CEP72: variants seen among roughly 807,000 people sequenced by gnomAD.
CEP72 encodes the protein centrosomal protein of 72 kDa.
A neutral mutation model predicts 65.7 loss-of-function variants in CEP72; 78 were observed. The ratio of observed to expected loss-of-function variants is 1.19; its 90% confidence interval spans 0.99 to 1.43. The LOEUF (loss-of-function observed/expected upper bound fraction) is 1.43. Among genes scored for constraint, CEP72 ranks in the 40% most tolerant of loss-of-function variants. CEP72 has a pLI of 0.00. For synonymous variants in CEP72, 358 were observed against 351.7 expected (o/e 1.02, Z -0.20); for missense variants, 914 against 832.9 (o/e 1.10, Z -1.20).
chr5:643,656 A>G, intron 9 of CEP72: 1 of 985,278 alleles, frequency 1.0e-6, no homozygotes. Context: ...GGTGCCTGAG[A>G]GAGCAGCAGC....
chr5:647,807 C>T lies in CEP72; in HGVS notation c.1669C>T (p.Leu557Phe), dbSNP rs761787317. The change falls in exon 11 of 12, where the codon CTT becomes TTT. Residue 557 changes from leucine to phenylalanine, a missense_variant and splice_region_variant. By Grantham distance (22) the Leu-to-Phe change is conservative. Coordinates refer to ENST00000264935, the MANE Select transcript of CEP72 (RefSeq NM_018140.4). ...TTTTTTTTTTCTTTCTCTTTCAGGA[C>T]TTCAAACAAGTGTGAAGAGGCTGTG... ...AATLNLQIAG[L>F]QTSVKRLCGE... 1.2e-6 allele frequency: 2 copies of T among 1,603,864 alleles called. No homozygotes were observed. Among genetic ancestry groups the T allele is most frequent in the South Asian group, 1.1e-5 (1 of 89,078 alleles).
intron 2 of CEP72, chr5:665,065 GGGGACACC>G: frequency 6.3e-7 from 1 of 1,590,080 alleles, no homozygotes; most frequent in Non-Finnish European, 8.5e-7. Context: ...TCCCTGCTCT[GGGGACACC>G]GGCAGTGCCG....
intron 4 of CEP72, among the ~76,000 whole-genome samples, chr5:628,495 G>C (rs1363731773): frequency 1.3e-5 from 2 of 150,244 alleles, no homozygotes; most frequent in East Asian, 2.0e-4. Context: ...CGTCCCTGGG[G>C]AGTGTTCCCA....
chr5:664,824 T>TGGTGTGATCC, intron 2 of CEP72: 1 of 448,582 alleles, frequency 2.2e-6, no homozygotes, highest in Middle Eastern at 6.0e-4. Context: ...GTGCCCAGTG[T>TGGTGTGATCC]GGTGTGATCC....
chr5:669,044 A>G (rs1002256741), downstream of CEP72, among the ~76,000 whole-genome samples: 1 of 152,218 alleles, frequency 6.6e-6, no homozygotes, highest in African/African-American at 2.4e-5. Flanking sequence ...TGAGCCAAAG[A>G]AGAAATCGCG....
At chr5:675,241 TGCAGG>T in the CEP72 span, among the ~76,000 whole-genome samples, 9 of 28,434 alleles carry the variant, frequency 3.2e-4, no homozygotes, top group African/African-American at 1.4e-3. Flanking sequence ...GGGGGTGCAG[TGCAGG>T]GGGTACAGTG....
the CEP72 span, among the ~76,000 whole-genome samples, chr5:674,823 A>C: frequency 1.3e-5 from 2 of 151,688 alleles, no homozygotes; most frequent in Non-Finnish European, 2.9e-5. Flanking sequence ...GCAGCGGCTG[A>C]CATAAGCCCT....
intron 2 of CEP72, chr5:663,752 G>A (rs1215613200): frequency 2.0e-5 from 3 of 152,590 alleles, no homozygotes; most frequent in African/African-American, 4.8e-5. Context: ...CGGGCTAACA[G>A]GCTCTGGAAA....
chr5:636,699 A>G (rs1423585318), intron 6 of CEP72, among the ~76,000 whole-genome samples: 1 of 151,390 alleles, frequency 6.6e-6, no homozygotes, highest in East Asian at 1.9e-4. Flanking sequence ...AGTCCCAGCT[A>G]CTCAGGAGGC....
At position 637,191 on chromosome 5, in the gene CEP72, A is replaced by C. The variant is rs543666023; in HGVS notation, c.905-326A>C. On this transcript the variant is annotated intron_variant, in intron 6 of 11. Transcript: ENST00000264935. ...TGTTTGGAACGCGTTGTTGAAGCGTACTGCACGTCGGTCATCACGGGGTGA... is the reference window on the plus strand; with the variant it reads ...TGTTTGGAACGCGTTGTTGAAGCGTCCTGCACGTCGGTCATCACGGGGTGA... Among the ~76,000 whole-genome samples, 5 of 152,286 alleles carry C rather than the reference A, an allele frequency of 3.3e-5. No individual in the cohort carries two copies. In the South Asian group the frequency reaches 1.0e-3, roughly 32 times the overall value.
At chr5:661,411 G>A (rs1237598648), downstream of CEP72, 1 of 137,004 alleles carries the variant, frequency 7.3e-6, no homozygotes, top group South Asian at 2.4e-4. Context: ...CTGTCCCTGT[G>A]TCCTGGTGTC....
Position 623,368 on chromosome 5 carries a change from G to A in CEP72, c.404-1103G>A, listed in dbSNP as rs1348474559. Among the ~76,000 whole-genome samples, 2 of 152,238 alleles carry A rather than the reference G, an allele frequency of 1.3e-5. No individual in the cohort carries two copies. Among genetic ancestry groups the A allele is most frequent in the Non-Finnish European group, 2.9e-5 (2 of 68,042 alleles). ...TGGAGTGGGCTCGGTCCTTGGCTCC[G>A]CGTGGGTCATGGAAAGGCCCCGGTG... On this transcript the variant is annotated intron_variant, in intron 3 of 11. Coordinates refer to ENST00000264935, the MANE Select transcript of CEP72 (RefSeq NM_018140.4). The surrounding 1 kb of genome is among the most constrained non-coding windows in gnomAD (Gnocchi z 5.3).
rs1274221309 is a variant in CEP72, at chr5:645,424, G to A, written c.1666+999G>A. ...ATTTACAACGGGTCCTTGAATAACC[G>A]TGTCCATTCAACATCATTTCGTCGT... On this transcript the variant is annotated intron_variant, in intron 10 of 11. Coordinates refer to ENST00000264935, the MANE Select transcript of CEP72 (RefSeq NM_018140.4). The surrounding 1 kb of genome is among the most constrained non-coding windows in gnomAD (Gnocchi z 4.0). 6.6e-6 allele frequency among the ~76,000 whole-genome samples: 1 copy of A among 150,534 alleles called. No homozygotes were observed. The highest frequency in any genetic ancestry group is 1.5e-5 in the Non-Finnish European group (1 of 67,816).
chr5:673,204 A>G, the CEP72 span, among the ~76,000 whole-genome samples: 1 of 152,180 alleles, frequency 6.6e-6, no homozygotes, highest in Non-Finnish European at 1.5e-5. Context: ...TTCCCCGGAA[A>G]TCGAAGGAAA....
At chr5:616,275 C>T (rs1000278923) in intron 1 of CEP72, among the ~76,000 whole-genome samples, 2 of 152,056 alleles carry the variant, frequency 1.3e-5, no homozygotes, top group African/African-American at 4.8e-5. Context: ...TTAAACTGCT[C>T]TTGTGATTTT....
downstream of CEP72, among the ~76,000 whole-genome samples, chr5:669,800 G>A (rs540342426): frequency 2.9e-4 from 44 of 152,150 alleles, no homozygotes; most frequent in South Asian, 1.9e-3. Context: ...CAGGAGACCC[G>A]GGTGCCCCCC....
downstream of CEP72, among the ~76,000 whole-genome samples, chr5:670,951 A>C (rs1326975192): frequency 6.6e-6 from 1 of 152,088 alleles, no homozygotes; most frequent in Non-Finnish European, 1.5e-5. Flanking sequence ...CCTGCACCCT[A>C]CTTGGCTCAG....
At chr5:675,509 T>TGCGGGGGGCACAGG in the CEP72 span, among the ~76,000 whole-genome samples, 1 of 101,216 alleles carries the variant, frequency 9.9e-6, no homozygotes, top group Non-Finnish European at 1.9e-5. Flanking sequence ...GGGGCTGCAG[T>TGCGGGGGGCACAGG]GTGACCAGGG....
At chr5:651,952 C>G (rs879050958) in intron 11 of CEP72, among the ~76,000 whole-genome samples, 7 of 152,154 alleles carry the variant, frequency 4.6e-5, no homozygotes, top group African/African-American at 1.7e-4. Flanking sequence ...CAGGCTCTGC[C>G]CCTTACAGGA....
Sources: allele counts gnomAD v4.1 joint callset (sites outside exome capture counted in the v4.1 genomes callset), GRCh38; gene constraint gnomAD v4.1.1; non-coding constraint Gnocchi (gnomAD v3.1); transcripts MANE v1.5; gene names NCBI Gene and HGNC (gene_info 2026-07-23, HGNC 2026-07-21).